DOCK1: variants seen among roughly 807,000 people sequenced by gnomAD.
DOCK1 encodes the protein dedicator of cytokinesis 1, also known as dedicator of cytokinesis protein 1.
Under a neutral mutation model 262.7 loss-of-function variants are expected in DOCK1, and 138 were observed. The observed-to-expected ratio is 0.53, with a 90% confidence interval of 0.46 to 0.61. The LOEUF (loss-of-function observed/expected upper bound fraction) is 0.61, where lower values mean the gene tolerates loss of function less well. Ranked by LOEUF, DOCK1 falls within the 20% of genes least tolerant of loss-of-function variation. DOCK1 has a pLI of 0.00. For synonymous variants in DOCK1, 866 were observed against 867.4 expected, an observed-to-expected ratio of 1.00 and a Z score of 0.03; for missense variants, 1,908 against 2,370.7, an observed-to-expected ratio of 0.80 and a Z score of 4.05.
At chr10:127,115,954 T>C (rs2049154150) in intron 25 of DOCK1, among the ~76,000 whole-genome samples, 1 of 152,232 alleles carries the variant, frequency 6.6e-6, no homozygotes, top group African/African-American at 2.4e-5. Flanking sequence ...GAGCTTACTG[T>C]GTACTTATCA....
chr10:127,252,189 GA>G (rs2059674574), intron 28 of DOCK1, among the ~76,000 whole-genome samples: 2 of 135,590 alleles, frequency 1.5e-5, no homozygotes, highest in South Asian at 6.2e-4. Flanking sequence ...GTCTTCTTTT[GA>G]GAAGTGTCTG....
chr10:127,026,205 A>G, intron 15 of DOCK1, 147 bp from the exon 16 acceptor site: 3 of 790,618 alleles, frequency 3.8e-6, no homozygotes, highest in African/African-American at 1.8e-5. Context: ...TGTCTTTGGA[A>G]AAATCATATA....
At chr10:127,370,122 G>A (rs922562015) in intron 33 of DOCK1, among the ~76,000 whole-genome samples, 1 of 152,130 alleles carries the variant, frequency 6.6e-6, no homozygotes, top group Admixed American at 6.6e-5. Flanking sequence ...GATTGGCCCC[G>A]ACCCAGGGAG....
intron 28 of DOCK1, among the ~76,000 whole-genome samples, chr10:127,249,456 C>T (rs1460541609): frequency 6.6e-6 from 1 of 151,554 alleles, no homozygotes; most frequent in African/African-American, 2.4e-5. Context: ...CACACACACA[C>T]ACACACGCAG....
chr10:127,366,667 TGTCG>T (rs2064931683), intron 33 of DOCK1, among the ~76,000 whole-genome samples: 1 of 128,286 alleles, frequency 7.8e-6, no homozygotes, highest in Non-Finnish European at 1.7e-5. Context: ...TGGCCCCTAT[TGTCG>T]GTGATGTGGG....
At chr10:127,294,650 AT>A (rs34901936) in intron 29 of DOCK1, among the ~76,000 whole-genome samples, 17,309 of 127,388 alleles carry the variant, frequency 0.14, 1,212 homozygotes, top group African/African-American at 0.22. Context: ...GAGTTGTCCT[AT>A]TTTTTTTTTT....
At chr10:127,030,991 A>G (rs139788479) in intron 16 of DOCK1, among the ~76,000 whole-genome samples, 1 of 152,362 alleles carries the variant, frequency 6.6e-6, no homozygotes, top group East Asian at 1.9e-4. Flanking sequence ...TTTTGGCAGA[A>G]ACTTGAATGA....
chr10:127,384,593 A>G (rs1412025228), intron 37 of DOCK1, among the ~76,000 whole-genome samples, 197 bp from the exon 38 acceptor site: 1 of 152,164 alleles, frequency 6.6e-6, no homozygotes, highest in Non-Finnish European at 1.5e-5. Context: ...CACTGCAGCT[A>G]TGCCTCCCCT....
At chr10:127,164,828 T>G (rs926777857) in intron 27 of DOCK1, among the ~76,000 whole-genome samples, 2 of 152,224 alleles carry the variant, frequency 1.3e-5, no homozygotes, top group African/African-American at 4.8e-5. Context: ...CTTCCTTCAT[T>G]CATGCAGTCA....
intron 11 of DOCK1, 89 bp downstream of exon 11, chr10:127,008,893 C>T (rs1224191863): frequency 8.5e-7 from 1 of 1,178,568 alleles, no homozygotes; most frequent in African/African-American, 1.5e-5. Context: ...AATGGATAAA[C>T]ATAACTAAGG....
chr10:127,448,101 C>T (rs1206717071), intron 51 of DOCK1, among the ~76,000 whole-genome samples: 3 of 152,284 alleles, frequency 2.0e-5, no homozygotes, highest in East Asian at 1.9e-4. Flanking sequence ...AGGTTTGGCT[C>T]CTGGGCACAG....
At chr10:127,261,243 C>A (rs1295263621) in intron 29 of DOCK1, among the ~76,000 whole-genome samples, 1 of 86,310 alleles carries the variant, frequency 1.2e-5, no homozygotes, top group East Asian at 3.8e-4. Context: ...GTGTGTGTAC[C>A]TGCATGTGTG....
chr10:126,985,125 C>T (rs574374270), intron 4 of DOCK1, among the ~76,000 whole-genome samples: 106 of 152,114 alleles, frequency 7.0e-4, no homozygotes, highest in Non-Finnish European at 1.2e-3. Flanking sequence ...GGATTACAGG[C>T]GCACGCCACC....
At chr10:127,370,956 A>G (rs2065175042) in intron 33 of DOCK1, among the ~76,000 whole-genome samples, 1 of 152,228 alleles carries the variant, frequency 6.6e-6, no homozygotes, top group South Asian at 2.1e-4. Flanking sequence ...TACGTGAGTG[A>G]GCCTCTGCCA....
chr10:127,048,740 A>T (rs914745281), intron 21 of DOCK1, among the ~76,000 whole-genome samples: 4 of 152,194 alleles, frequency 2.6e-5, no homozygotes, highest in African/African-American at 7.2e-5. Flanking sequence ...GGTTTCCATC[A>T]CTGTAGAAAG....
intron 27 of DOCK1, among the ~76,000 whole-genome samples, chr10:127,207,559 G>T (rs1431382549): frequency 6.6e-6 from 1 of 152,116 alleles, no homozygotes; most frequent in Non-Finnish European, 1.5e-5. Flanking sequence ...TGAGAACATG[G>T]ACAATTCTCA....
rs373189530 is a variant in DOCK1, at chr10:127,364,887, CAGA to C, written c.3432+2678_3432+2680del. 5.9e-3 allele frequency among the ~76,000 whole-genome samples: 889 copies of C among 151,924 alleles called. 2 individuals are homozygous for C. Among genetic ancestry groups the C allele is most frequent in the African/African-American group, 0.02 (847 of 41,412 alleles). On this transcript the variant is annotated intron_variant, in intron 33 of 51. Coordinates refer to ENST00000623213, the MANE Select transcript of DOCK1 (RefSeq NM_001290223.2). ...TTCTCTCTCTTTTTTTCCATGATAG[CAGA>C]AGGTCTCCCTGTATTTATTTTTAAT...
intron 46 of DOCK1, among the ~76,000 whole-genome samples, chr10:127,420,324 G>A (rs923116661): frequency 9.9e-5 from 15 of 152,172 alleles, no homozygotes; most frequent in Non-Finnish European, 2.9e-5. Flanking sequence ...GGGTGCCTTG[G>A]GTTTAAGTGT....
chr10:127,018,968 C>T, intron 13 of DOCK1, 133 bp downstream of exon 13: 4 of 1,345,740 alleles, frequency 3.0e-6, no homozygotes, highest in South Asian at 1.5e-5. Flanking sequence ...ACCCTGTAAG[C>T]CCCAGCATGG....
Sources: gnomAD v4.1 joint callset for allele counts (sites outside exome capture counted in the v4.1 genomes callset) on GRCh38, gnomAD v4.1.1 for gene constraint, MANE v1.5 for transcripts, NCBI Gene and HGNC (gene_info 2026-07-23, HGNC 2026-07-21) for gene names.